FBXL20: variants seen among roughly 807,000 people sequenced by gnomAD.
FBXL20 encodes F-box/LRR-repeat protein 20.
Under a neutral mutation model 64.0 loss-of-function variants are expected in FBXL20, and 11 were observed. The ratio of observed to expected loss-of-function variants is 0.17; its 90% confidence interval spans 0.11 to 0.28. The LOEUF is 0.28. Ranked by LOEUF, FBXL20 falls within the 10% of genes least tolerant of loss-of-function variation. FBXL20 has a pLI of 1.00. For synonymous variants in FBXL20, 184 were observed against 189.0 expected, an observed-to-expected ratio of 0.97 and a Z score of 0.22; for missense variants, 303 against 526.2, an observed-to-expected ratio of 0.58 and a Z score of 4.15.
chr17:39,330,029 A>G (rs2047445372), intron 2 of FBXL20, among the ~76,000 whole-genome samples: 1 of 152,134 alleles, frequency 6.6e-6, no homozygotes, highest in Non-Finnish European at 1.5e-5. Flanking sequence ...GCGGTGGCTC[A>G]TACCTGTAAT....
intron 2 of FBXL20, among the ~76,000 whole-genome samples, chr17:39,324,810 C>T (rs1430748922): frequency 6.6e-6 from 1 of 152,064 alleles, no homozygotes; most frequent in Non-Finnish European, 1.5e-5. Flanking sequence ...ATTCTAATCT[C>T]CAGATGAAGA....
intron 1 of FBXL20, among the ~76,000 whole-genome samples, chr17:39,398,049 G>C (rs960728878): frequency 9.1e-6 from 1 of 110,462 alleles, no homozygotes. Flanking sequence ...GCGGGGGGGG[G>C]GGGGGGGTTG....
chr17:39,346,814 G>T (rs1324663865), intron 1 of FBXL20, among the ~76,000 whole-genome samples: 2 of 151,720 alleles, frequency 1.3e-5, no homozygotes, highest in African/African-American at 4.8e-5. Context: ...TTTACATTAG[G>T]TATATCTCCT....
At position 39,257,988 on chromosome 17, in the gene FBXL20, G is replaced by A. The variant is rs192087285; in HGVS notation, c.*3472C>T. 1 of 152,456 alleles carries A rather than the reference G, an allele frequency of 6.6e-6. No homozygotes were observed. The highest frequency in any genetic ancestry group is 1.5e-5 in the Non-Finnish European group (1 of 68,046). 9.4% of individuals were successfully genotyped at this position (152,456 alleles called of 1,614,324 possible). A position where few individuals can be genotyped will look rare whatever the true frequency, so the allele number is the denominator to read the frequency against. On this transcript the variant is annotated 3_prime_UTR_variant, in exon 15 of 15. Coordinates refer to ENST00000264658, the MANE Select transcript of FBXL20 (RefSeq NM_032875.3). ...TAGGGGAAAAACTGCTTAGAAAAGAGATGATTTGGATGTTCAAGAACTTTC... is the reference window on the plus strand; with the variant it reads ...TAGGGGAAAAACTGCTTAGAAAAGAAATGATTTGGATGTTCAAGAACTTTC...
chr17:39,390,876 G>A (rs1390701295), intron 1 of FBXL20, among the ~76,000 whole-genome samples: 1 of 151,986 alleles, frequency 6.6e-6, no homozygotes, highest in Non-Finnish European at 1.5e-5. Context: ...GTAAAACCCT[G>A]TCTCTACTAA....
intron 2 of FBXL20, among the ~76,000 whole-genome samples, chr17:39,320,307 T>A (rs576624860): frequency 2.0e-5 from 3 of 152,188 alleles, no homozygotes; most frequent in Admixed American, 1.3e-4. Flanking sequence ...TTATAGCTAC[T>A]TTAAAATTTT....
chr17:39,394,871 C>T (rs910633565), intron 1 of FBXL20, among the ~76,000 whole-genome samples: 3 of 151,968 alleles, frequency 2.0e-5, no homozygotes, highest in African/African-American at 4.8e-5. Context: ...ATACTGTACC[C>T]GGCCAGATAC....
At chr17:39,296,934 G>A (rs1044508488) in intron 6 of FBXL20, among the ~76,000 whole-genome samples, 193 bp downstream of exon 6, 7 of 152,056 alleles carry the variant, frequency 4.6e-5, no homozygotes, top group African/African-American at 7.2e-5. Flanking sequence ...ACCTTAAATT[G>A]TATCAAAGAT....
chr17:39,277,484 C>T (rs922374584), intron 9 of FBXL20, among the ~76,000 whole-genome samples: 3 of 152,140 alleles, frequency 2.0e-5, no homozygotes, highest in South Asian at 2.1e-4. Context: ...AGGCCAGGCA[C>T]GGTGGCTCGC....
intron 2 of FBXL20, among the ~76,000 whole-genome samples, chr17:39,337,188 G>C (rs536800346): frequency 3.9e-5 from 6 of 152,234 alleles, no homozygotes; most frequent in Non-Finnish European, 5.9e-5. Flanking sequence ...GGGTTTCGCT[G>C]TGTTGGCCGG....
intron 1 of FBXL20, among the ~76,000 whole-genome samples, chr17:39,370,052 A>G (rs758431883): frequency 2.0e-5 from 3 of 152,080 alleles, no homozygotes; most frequent in Non-Finnish European, 4.4e-5. Context: ...GTGAGGCTTC[A>G]GTGAGCCGTG....
intron 1 of FBXL20, among the ~76,000 whole-genome samples, chr17:39,346,038 T>G (rs1342021949): frequency 1.3e-5 from 2 of 152,044 alleles, no homozygotes; most frequent in Non-Finnish European, 2.9e-5. Context: ...TAACCAGGCA[T>G]TGGCTGGGAG....
intron 1 of FBXL20, among the ~76,000 whole-genome samples, chr17:39,387,610 C>A (rs1276763209): frequency 6.8e-6 from 1 of 146,426 alleles, no homozygotes; most frequent in East Asian, 2.0e-4. Context: ...CAAGGTCTCA[C>A]TCTGTCTTCC....
chr17:39,281,057 C>T (rs2046945894), intron 9 of FBXL20, among the ~76,000 whole-genome samples: 1 of 152,196 alleles, frequency 6.6e-6, no homozygotes, highest in South Asian at 2.1e-4. Context: ...AGCCACCGTG[C>T]CCAGCTTGAC....
rs1261189769 is a variant in FBXL20 at position 39,260,695 on chromosome 17, G to A, written c.*765C>T. The A allele has an allele frequency of 6.5e-6, 1 of 152,704 alleles. No individual in the cohort carries two copies. The allele number at this position is 152,704 out of a possible 1,614,324, so 9.5% of individuals were successfully genotyped here. A position where few individuals can be genotyped will look rare whatever the true frequency, so the allele number is the denominator to read the frequency against. Reference sequence around the variant, plus strand: ...AACTGTAAACACGACAACAGCAAAAGGGTAACAATTGAGTGAGTAAGCAGA... The same window carrying A: ...AACTGTAAACACGACAACAGCAAAAAGGTAACAATTGAGTGAGTAAGCAGA... On this transcript the variant is annotated 3_prime_UTR_variant, in exon 15 of 15. Transcript: ENST00000264658.
At position 39,343,695 on chromosome 17, in the gene FBXL20, C is replaced by CCT. The variant is rs926629112; in HGVS notation, c.43-455_43-454insAG. On this transcript the variant is annotated intron_variant, in intron 1 of 14. Transcript: ENST00000264658. ...CAGCCCAGGCAACGTGGCGAAAACT[C>CCT]TTTTTTTTTTTTTTTTTTGAGACAG... 1.6e-4 allele frequency among the ~76,000 whole-genome samples: 21 copies of CCT among 134,600 alleles called. 1 individual carries two copies. Among genetic ancestry groups the CCT allele is most frequent in the African/African-American group, 2.7e-4 (10 of 36,964 alleles). The allele number at this position is 134,600 out of a possible 152,430, so 88.3% of individuals were successfully genotyped here.
chr17:39,323,212 G>A (rs905956804), intron 2 of FBXL20, among the ~76,000 whole-genome samples: 3 of 151,580 alleles, frequency 2.0e-5, no homozygotes, highest in South Asian at 2.1e-4. Flanking sequence ...CTCGTGATCC[G>A]CCCGCCTCGG....
intron 9 of FBXL20, among the ~76,000 whole-genome samples, chr17:39,279,258 C>T (rs751061287): frequency 2.0e-5 from 3 of 151,572 alleles, no homozygotes; most frequent in Admixed American, 6.6e-5. Context: ...CAGCACTTTG[C>T]GAGGCTGAGG....
chr17:39,345,968 T>C (rs1166753638), intron 1 of FBXL20, among the ~76,000 whole-genome samples: 5 of 152,054 alleles, frequency 3.3e-5, no homozygotes, highest in African/African-American at 1.2e-4. Flanking sequence ...TGGCAGGAAA[T>C]CAATAAATCT....
Sources: gnomAD v4.1 joint callset for allele counts (sites outside exome capture counted in the v4.1 genomes callset) on GRCh38, gnomAD v4.1.1 for gene constraint, MANE v1.5 for transcripts, NCBI Gene and HGNC (gene_info 2026-07-23, HGNC 2026-07-21) for gene names.